Variants in RGS6 observed in about 807,000 individuals in gnomAD.
RGS6 encodes regulator of G-protein signaling 6.
A neutral mutation model predicts 78.5 loss-of-function variants in RGS6; 30 were observed. The observed-to-expected ratio is 0.38, with a 90% CI of 0.29 to 0.52. The LOEUF (loss-of-function observed/expected upper bound fraction) is 0.52. RGS6 is among the 20% of genes least tolerant of loss of function. The pLI, the probability that RGS6 is intolerant of heterozygous loss-of-function variation, is 0.85. For missense variants in RGS6, 495 were observed against 609.7 expected (o/e 0.81, Z 1.98); for synonymous variants, 206 against 206.0 (o/e 1.00, Z 0.00).
At chr14:72,389,104 C>A (rs1296953110) in intron 3 of RGS6, among the ~76,000 whole-genome samples, 1 of 152,214 alleles carries the variant, frequency 6.6e-6, no homozygotes, top group East Asian at 1.9e-4. Flanking sequence ...ACCCATATTT[C>A]TGCTCCTGCA....
intron 2 of RGS6, among the ~76,000 whole-genome samples, chr14:72,044,494 T>C (rs763358453): frequency 9.8e-4 from 149 of 152,178 alleles, no homozygotes; most frequent in Non-Finnish European, 1.7e-3. Context: ...CTCTCTTCCT[T>C]CCTCCCTCTC....
downstream of RGS6, among the ~76,000 whole-genome samples, chr14:72,566,734 A>G (rs2097713198): frequency 2.0e-5 from 3 of 151,014 alleles, no homozygotes; most frequent in South Asian, 4.2e-4. Flanking sequence ...GAAAAACCAG[A>G]TCTCTGGGGC....
At chr14:72,542,461 C>T (rs1192126137) in intron 17 of RGS6, among the ~76,000 whole-genome samples, 3 of 152,156 alleles carry the variant, frequency 2.0e-5, no homozygotes, top group African/African-American at 7.2e-5. Flanking sequence ...AGAAGATCTA[C>T]GTGAATGTTT....
chr14:72,352,261 G>T, intron 3 of RGS6, 67 bp downstream of exon 3: 2 of 1,145,710 alleles, frequency 1.7e-6, no homozygotes. Context: ...TCTAGATTGC[G>T]GCCTGAGGGG....
chr14:72,597,315 A>T, the RGS6 span, among the ~76,000 whole-genome samples: 2 of 152,212 alleles, frequency 1.3e-5, no homozygotes, highest in Non-Finnish European at 2.9e-5. Context: ...GTTTTTGAAT[A>T]TTATAAGAAA....
At chr14:72,133,987 T>C (rs1036606826) in intron 2 of RGS6, among the ~76,000 whole-genome samples, 21 of 152,190 alleles carry the variant, frequency 1.4e-4, no homozygotes, top group African/African-American at 5.1e-4. Context: ...CATAGCATCT[T>C]TCTCAACACA....
the RGS6 span, among the ~76,000 whole-genome samples, chr14:72,599,511 C>T: frequency 7.2e-6 from 1 of 138,938 alleles, no homozygotes; most frequent in African/African-American, 2.7e-5. Flanking sequence ...CGAGTTCACA[C>T]CATTCTCCTG....
At position 72,470,150 on chromosome 14, in the gene RGS6, G is replaced by C. The variant is rs558828474; in HGVS notation, c.536+67G>C. The C allele has an allele frequency of 8.0e-4, 988 of 1,228,498 alleles. 6 individuals carry two copies. The highest frequency in any genetic ancestry group is 7.8e-3 in the South Asian group (632 of 81,402). 76.1% of individuals were successfully genotyped at this position (1,228,498 alleles called of 1,614,324 possible). ...TCTGGAATTTGGAAATGGTGTGAAG[G>C]TGGGATTGTCAAAGTGAAGTTTCCA... is the stretch of plus-strand genomic sequence containing the variant. On this transcript the variant is annotated intron_variant, in intron 8 of 17. Coordinates refer to ENST00000553525, the MANE Select transcript of RGS6 (RefSeq NM_001204424.2).
chr14:72,253,851 G>T (rs923938058), intron 2 of RGS6, among the ~76,000 whole-genome samples: 1 of 152,132 alleles, frequency 6.6e-6, no homozygotes, highest in Non-Finnish European at 1.5e-5. Flanking sequence ...AGATGTATGG[G>T]GTGTTTGTTA....
At chr14:72,350,989 A>G (rs974728993) in intron 2 of RGS6, among the ~76,000 whole-genome samples, 2 of 152,136 alleles carry the variant, frequency 1.3e-5, no homozygotes, top group South Asian at 2.1e-4. Flanking sequence ...CAAGTTATCT[A>G]TTTCTATCAA....
intron 2 of RGS6, among the ~76,000 whole-genome samples, chr14:71,993,812 G>C (rs1263661741): frequency 6.6e-6 from 1 of 152,076 alleles, no homozygotes; most frequent in Non-Finnish European, 1.5e-5. Context: ...TTATTATGAA[G>C]ATTAGAGTTC....
At chr14:72,465,555 TGGA>T (rs2095879047) in intron 6 of RGS6, among the ~76,000 whole-genome samples, 200 bp from the exon 7 acceptor site, 1 of 91,124 alleles carries the variant, frequency 1.1e-5, no homozygotes, top group Non-Finnish European at 2.2e-5. Context: ...GCTGTCTGGA[TGGA>T]TGGATGGATG....
the RGS6 span, among the ~76,000 whole-genome samples, chr14:71,918,129 C>T: frequency 0.069 from 9,068 of 130,978 alleles, 379 homozygotes; most frequent in Admixed American, 0.097. Context: ...TGCAGTGAGC[C>T]GAGATCGTGC....
the RGS6 span, among the ~76,000 whole-genome samples, chr14:72,595,348 TC>T: frequency 1.3e-5 from 2 of 152,188 alleles, no homozygotes; most frequent in African/African-American, 4.8e-5. Flanking sequence ...TGAACGTGAA[TC>T]TTTGTATCCT....
At chr14:72,116,577 T>A (rs1175265988) in intron 2 of RGS6, among the ~76,000 whole-genome samples, 4 of 151,750 alleles carry the variant, frequency 2.6e-5, no homozygotes, top group Non-Finnish European at 5.9e-5. Context: ...AAGTGTCACA[T>A]GGGGCAAAAT....
At chr14:72,081,365 T>A (rs1412317891) in intron 2 of RGS6, among the ~76,000 whole-genome samples, 1 of 152,168 alleles carries the variant, frequency 6.6e-6, no homozygotes, top group Non-Finnish European at 1.5e-5. Flanking sequence ...ACATATTTTA[T>A]CTTCTTGAGA....
chr14:72,167,651 A>G (rs1289311144), intron 2 of RGS6, among the ~76,000 whole-genome samples: 1 of 152,168 alleles, frequency 6.6e-6, no homozygotes, highest in East Asian at 1.9e-4. Context: ...CCCACCCATG[A>G]TTATTACTAT....
intron 15 of RGS6, among the ~76,000 whole-genome samples, chr14:72,524,099 C>T (rs1010708927): frequency 1.6e-4 from 24 of 152,102 alleles, no homozygotes; most frequent in Admixed American, 6.5e-5. Flanking sequence ...TAAGTGTGAA[C>T]TCACAAAAAT....
intron 2 of RGS6, among the ~76,000 whole-genome samples, chr14:72,269,567 A>ATTTTT (rs56171281): frequency 4.2e-5 from 5 of 120,334 alleles, no homozygotes; most frequent in Non-Finnish European, 6.7e-5. Context: ...CCTATCTTAA[A>ATTTTT]TTTTTTTTTT....
Sources: allele counts gnomAD v4.1 joint callset (sites outside exome capture counted in the v4.1 genomes callset), GRCh38; gene constraint gnomAD v4.1.1; transcripts MANE v1.5; gene names NCBI Gene and HGNC (gene_info 2026-07-23, HGNC 2026-07-21).